SMOC1: variants seen among roughly 807,000 people sequenced by gnomAD.
SMOC1 encodes the protein SPARC related modular calcium binding 1, also known as SPARC-related modular calcium-binding protein 1.
In SMOC1, 22 loss-of-function variants were observed where a neutral mutation model predicts 56.3. The observed-to-expected ratio is 0.39, with a 90% CI of 0.28 to 0.56. SMOC1 has a LOEUF of 0.56. Among genes scored for constraint, SMOC1 ranks in the 20% least tolerant of loss-of-function variants. The pLI, the probability that SMOC1 is intolerant of heterozygous loss-of-function variation, is 0.61. For missense variants in SMOC1, 509 were observed against 565.4 expected (o/e 0.90, Z 1.01); for synonymous variants, 193 against 215.0 (o/e 0.90, Z 0.89).
At chr14:69,921,179 C>T (rs1884831301) in intron 1 of SMOC1, among the ~76,000 whole-genome samples, 1 of 152,192 alleles carries the variant, frequency 6.6e-6, no homozygotes, top group Admixed American at 6.5e-5. Context: ...TGACTCACAG[C>T]CCAGGGAGGC....
At chr14:69,946,528 A>C (rs1054261589) in intron 1 of SMOC1, among the ~76,000 whole-genome samples, 7 of 152,206 alleles carry the variant, frequency 4.6e-5, no homozygotes, top group Non-Finnish European at 5.9e-5. Flanking sequence ...AGGAAGAAGG[A>C]AAGGAATATA....
At chr14:70,019,708 C>G (rs572459112) in intron 10 of SMOC1, among the ~76,000 whole-genome samples, 2 of 152,290 alleles carry the variant, frequency 1.3e-5, no homozygotes, top group African/African-American at 4.8e-5. Context: ...CCAGCAAAGA[C>G]TGCTTGAGAG....
At chr14:69,930,906 T>A (rs1226391322) in intron 1 of SMOC1, among the ~76,000 whole-genome samples, 2 of 152,192 alleles carry the variant, frequency 1.3e-5, no homozygotes, top group East Asian at 3.8e-4. Flanking sequence ...CTGTGTTGAT[T>A]CTTCTTTTCC....
chr14:69,885,965 C>T (rs548205701), intron 1 of SMOC1: 5 of 1,588,432 alleles, frequency 3.1e-6, no homozygotes, highest in African/African-American at 2.7e-5. Context: ...CCTGATATAG[C>T]GGGGCCATTT....
intron 3 of SMOC1, among the ~76,000 whole-genome samples, chr14:69,964,031 C>G (rs1883478310): frequency 1.3e-5 from 2 of 152,356 alleles, no homozygotes; most frequent in South Asian, 4.1e-4. Context: ...GCCTATCCCA[C>G]TCTCTGCTCT....
intron 1 of SMOC1, among the ~76,000 whole-genome samples, chr14:69,890,084 T>C (rs1177942802): frequency 6.6e-6 from 1 of 152,230 alleles, no homozygotes; most frequent in Non-Finnish European, 1.5e-5. Context: ...GCCTACCACA[T>C]TCATTAAGGG....
intron 1 of SMOC1, chr14:69,885,817 T>G (rs1004912935): frequency 6.2e-7 from 1 of 1,600,336 alleles, no homozygotes; most frequent in East Asian, 2.2e-5. Flanking sequence ...GCTTCTTCTC[T>G]TGCTTTGTCT....
At chr14:70,009,829 C>T (rs1029704215) in intron 7 of SMOC1, among the ~76,000 whole-genome samples, 8 of 152,106 alleles carry the variant, frequency 5.3e-5, no homozygotes, top group Non-Finnish European at 8.8e-5. Context: ...TTTTTTAAAA[C>T]TTCTTTATAA....
At chr14:69,994,173 A>G (rs1884678774) in intron 6 of SMOC1, 6 of 602,256 alleles carry the variant, frequency 1.0e-5, no homozygotes, top group Non-Finnish European at 1.8e-5. Context: ...CATTCTGACC[A>G]CTCTGCTTCC....
chr14:69,913,739 CA>C (rs1884615052), intron 1 of SMOC1, among the ~76,000 whole-genome samples: 1 of 152,154 alleles, frequency 6.6e-6, no homozygotes, highest in Non-Finnish European at 1.5e-5. Flanking sequence ...TCTTCTGAAG[CA>C]AGAGGAAATC....
chr14:70,027,658 G>A (rs1468285275), intron 11 of SMOC1, among the ~76,000 whole-genome samples: 3 of 152,252 alleles, frequency 2.0e-5, no homozygotes, highest in East Asian at 1.9e-4. Flanking sequence ...GACAATTACC[G>A]GATCTTTAAT....
At chr14:69,948,861 A>T (rs1351276792) in intron 1 of SMOC1, among the ~76,000 whole-genome samples, 1 of 152,218 alleles carries the variant, frequency 6.6e-6, no homozygotes, top group African/African-American at 2.4e-5. Context: ...GAAGCTAGGC[A>T]ACGTTTCCAA....
chr14:69,885,112 T>C (rs1441462464), intron 1 of SMOC1, among the ~76,000 whole-genome samples: 1 of 152,204 alleles, frequency 6.6e-6, no homozygotes, highest in African/African-American at 2.4e-5. Context: ...CTGAAACTTA[T>C]TTCTTAAATG....
chr14:69,992,569 A>G (rs905017390), intron 6 of SMOC1, 96 bp downstream of exon 6: 6 of 986,332 alleles, frequency 6.1e-6, no homozygotes, highest in Non-Finnish European at 7.8e-6. Flanking sequence ...TTTTATTATT[A>G]TTATTTTCTT....
chr14:69,910,755 C>T (rs2139346126), intron 1 of SMOC1, among the ~76,000 whole-genome samples: 2 of 152,196 alleles, frequency 1.3e-5, no homozygotes, highest in South Asian at 2.1e-4. Context: ...GGTCAGGATC[C>T]CTCCTGAGCA....
chr14:69,971,922 A>G (rs561868564), intron 3 of SMOC1, among the ~76,000 whole-genome samples: 3 of 152,334 alleles, frequency 2.0e-5, no homozygotes, highest in African/African-American at 7.2e-5. Context: ...TGTCCTCATC[A>G]GATAATCTGG....
At chr14:70,023,564 T>C (rs1885813817) in intron 11 of SMOC1, 117 bp downstream of exon 11, 4 of 1,438,308 alleles carry the variant, frequency 2.8e-6, no homozygotes, top group East Asian at 4.6e-5. Context: ...AATTATTTGC[T>C]GGAAGTGTGC....
intron 1 of SMOC1, among the ~76,000 whole-genome samples, chr14:69,925,989 G>C (rs78510019): frequency 0.021 from 3,219 of 151,876 alleles, 118 homozygotes; most frequent in African/African-American, 0.075. Context: ...GACTTACTCA[G>C]CTCCCCTCAG....
At chr14:70,024,492 A>C (rs1255304860) in intron 11 of SMOC1, among the ~76,000 whole-genome samples, 1 of 152,164 alleles carries the variant, frequency 6.6e-6, no homozygotes, top group African/African-American at 2.4e-5. Flanking sequence ...CACAAAGCCT[A>C]AAATATTTAC....
Sources: gnomAD v4.1 joint callset for allele counts (sites outside exome capture counted in the v4.1 genomes callset) on GRCh38, gnomAD v4.1.1 for gene constraint, MANE v1.5 for transcripts, NCBI Gene and HGNC (gene_info 2026-07-23, HGNC 2026-07-21) for gene names.